The following CAMKMT variants were observed in gnomAD, a reference collection of about 807,000 sequenced individuals.
CAMKMT encodes the protein calmodulin-lysine N-methyltransferase.
CAMKMT carries 53 observed loss-of-function variants against 48.0 expected under a neutral mutation model. The ratio of observed to expected loss-of-function variants is 1.10; its 90% confidence interval spans 0.89 to 1.39. The LOEUF (loss-of-function observed/expected upper bound fraction) is 1.39, where lower values mean the gene tolerates loss of function less well. Among genes scored for constraint, CAMKMT ranks in the 40% most tolerant of loss-of-function variants. The pLI is 0.00. For synonymous variants in CAMKMT, 165 were observed against 152.3 expected (o/e 1.08, Z -0.61); for missense variants, 428 against 402.7 (o/e 1.06, Z -0.54).
intron 3 of CAMKMT, among the ~76,000 whole-genome samples, chr2:44,609,916 C>A (rs1671506121): frequency 6.6e-6 from 1 of 152,134 alleles, no homozygotes; most frequent in African/African-American, 2.4e-5. Context: ...CAGTTGAAAA[C>A]CATTGTCAAG....
rs143666790 is a variant in CAMKMT at position 44,365,870 on chromosome 2, C to G, written c.138+3725C>G. The stretch of plus-strand genomic sequence containing the variant: ...AGGTATGAATACTTGGCTGAAGAAT[C>G]TGATTATGGAATATTTCACAGTTCA... On this transcript the variant is annotated intron_variant, in intron 1 of 10. Transcript: ENST00000378494. Among the ~76,000 whole-genome samples the G allele has an allele frequency of 4.6e-5, 7 of 152,306 alleles. No individual in the cohort carries two copies. In the East Asian group the frequency reaches 7.7e-4, roughly 17 times the overall value.
At chr2:44,538,096 G>A (rs890645285) in intron 3 of CAMKMT, among the ~76,000 whole-genome samples, 12 of 152,230 alleles carry the variant, frequency 7.9e-5, no homozygotes, top group East Asian at 1.9e-4. Context: ...GTGGCCGGGC[G>A]TGGTCGCTCA....
intron 3 of CAMKMT, among the ~76,000 whole-genome samples, chr2:44,517,271 A>G (rs1000480736): frequency 1.3e-5 from 2 of 152,182 alleles, no homozygotes; most frequent in African/African-American, 4.8e-5. Context: ...ATCAGAGAAG[A>G]TACACTGTGT....
At chr2:44,751,265 C>G (rs1005691185) in intron 8 of CAMKMT, among the ~76,000 whole-genome samples, 1 of 152,160 alleles carries the variant, frequency 6.6e-6, no homozygotes, top group Non-Finnish European at 1.5e-5. Flanking sequence ...AGTCAGTGCT[C>G]TCTTCCGTAC....
At chr2:44,393,804 CTG>C (rs2104423920) in intron 3 of CAMKMT, among the ~76,000 whole-genome samples, 1 of 152,302 alleles carries the variant, frequency 6.6e-6, no homozygotes, top group African/African-American at 2.4e-5. Context: ...TCTGCTTTTT[CTG>C]TGGGCAGGGA....
intron 3 of CAMKMT, among the ~76,000 whole-genome samples, chr2:44,408,532 A>T (rs1682942649): frequency 6.6e-6 from 1 of 152,236 alleles, no homozygotes; most frequent in South Asian, 2.1e-4. Flanking sequence ...ACATCTTCAG[A>T]TGAAGAAACT....
At chr2:44,565,586 C>T (rs1458851788) in intron 3 of CAMKMT, among the ~76,000 whole-genome samples, 1 of 151,904 alleles carries the variant, frequency 6.6e-6, no homozygotes, top group Non-Finnish European at 1.5e-5. Flanking sequence ...AATTTGGCTA[C>T]ACATTGGAAG....
chr2:44,662,139 A>T (rs1674711277), intron 3 of CAMKMT, among the ~76,000 whole-genome samples: 1 of 152,160 alleles, frequency 6.6e-6, no homozygotes, highest in South Asian at 2.1e-4. Flanking sequence ...GACAGTTCCC[A>T]TGTTTTACTC....
intron 3 of CAMKMT, among the ~76,000 whole-genome samples, chr2:44,647,653 C>T (rs527727265): frequency 6.6e-6 from 1 of 151,988 alleles, no homozygotes; most frequent in South Asian, 2.1e-4. Context: ...CACCTGTAAT[C>T]CTAGCACTTC....
chr2:44,639,380 A>G (rs961058437), intron 3 of CAMKMT, among the ~76,000 whole-genome samples: 5 of 152,222 alleles, frequency 3.3e-5, no homozygotes, highest in African/African-American at 1.2e-4. Flanking sequence ...ACAGCTTAGC[A>G]TAGCAGTTAA....
Position 44,505,688 on chromosome 2 carries a change from G to A in CAMKMT, c.376+115383G>A, listed in dbSNP as rs1355185127. 2.6e-5 allele frequency among the ~76,000 whole-genome samples: 4 copies of A among 152,192 alleles called. 1 individual carries two copies. The highest frequency in any genetic ancestry group is 4.2e-4 in the South Asian group (2 of 4,812). ...AGGCTGAGGTGAAGGAGGCGGAAAA[G>A]GAGGAGTTTGTCTTGCTGTCAGAGG... On this transcript the variant is annotated intron_variant, in intron 3 of 10. Coordinates refer to ENST00000378494, the MANE Select transcript of CAMKMT (RefSeq NM_024766.5).
At chr2:44,679,712 C>T (rs956419731) in intron 3 of CAMKMT, among the ~76,000 whole-genome samples, 1 of 152,180 alleles carries the variant, frequency 6.6e-6, no homozygotes, top group East Asian at 1.9e-4. Flanking sequence ...TGGAAGTAAA[C>T]GAGGTGTGCT....
chr2:44,589,252 G>A (rs1277572703), intron 3 of CAMKMT, among the ~76,000 whole-genome samples: 26 of 47,022 alleles, frequency 5.5e-4, no homozygotes, highest in Non-Finnish European at 1.0e-3. Context: ...CCCCGTCCGG[G>A]AGGGTGGTGG....
At chr2:44,552,475 C>T (rs1231199851) in intron 3 of CAMKMT, among the ~76,000 whole-genome samples, 1 of 152,106 alleles carries the variant, frequency 6.6e-6, no homozygotes. Flanking sequence ...CAGTCAATAA[C>T]AACTCCAAAA....
In CAMKMT at chr2:44,772,360, G is replaced by T. The variant is rs1399035238; in HGVS notation, c.*247G>T. On this transcript the variant is annotated 3_prime_UTR_variant, in exon 11 of 11. Transcript: ENST00000378494. ...TAAACCTTTGTTTGTCTTTAAATGT[G>T]TATAAGCTGCCTGTCTGTGACTTGA... is the stretch of plus-strand genomic sequence containing the variant. 2.9e-6 allele frequency: 1 copy of T among 347,096 alleles called. No individual in the cohort carries two copies. Among genetic ancestry groups the T allele is most frequent in the Non-Finnish European group, 5.2e-6 (1 of 193,278 alleles). The allele number at this position is 347,096 out of a possible 1,614,324, so 21.5% of individuals were successfully genotyped here. A position where few individuals can be genotyped will look rare whatever the true frequency, so the allele number is the denominator to read the frequency against.
At chr2:44,477,488 C>G (rs563672342) in intron 3 of CAMKMT, among the ~76,000 whole-genome samples, 6 of 152,138 alleles carry the variant, frequency 3.9e-5, no homozygotes, top group African/African-American at 1.4e-4. Flanking sequence ...AGCTGAAAAA[C>G]ATAAACTACA....
At chr2:44,420,835 T>C (rs1009303413) in intron 3 of CAMKMT, among the ~76,000 whole-genome samples, 1 of 152,152 alleles carries the variant, frequency 6.6e-6, no homozygotes, top group African/African-American at 2.4e-5. Context: ...ACTTTTTTTT[T>C]TTCCCCCCTT....
intron 2 of CAMKMT, among the ~76,000 whole-genome samples, chr2:44,387,870 C>T (rs1056581941): frequency 1.4e-4 from 21 of 152,134 alleles, no homozygotes; most frequent in South Asian, 6.2e-4. Flanking sequence ...CAGTCCCTTC[C>T]GCATTGTAGG....
chr2:44,665,747 TGTAA>T (rs1422079005), intron 3 of CAMKMT, among the ~76,000 whole-genome samples: 1 of 152,232 alleles, frequency 6.6e-6, no homozygotes, highest in African/African-American at 2.4e-5. Context: ...TTATATTCCC[TGTAA>T]GTGTTTGTTG....
Sources: gnomAD v4.1 joint callset for allele counts (sites outside exome capture counted in the v4.1 genomes callset) on GRCh38, gnomAD v4.1.1 for gene constraint, MANE v1.5 for transcripts, NCBI Gene and HGNC (gene_info 2026-07-23, HGNC 2026-07-21) for gene names.